Variants in CTDSPL observed in about 807,000 individuals in gnomAD.
The protein encoded by CTDSPL is CTD small phosphatase-like protein.
CTDSPL carries 8 observed loss-of-function variants against 30.5 expected under a neutral mutation model. The ratio of observed to expected loss-of-function variants is 0.26; its 90% CI spans 0.15 to 0.47. The LOEUF (loss-of-function observed/expected upper bound fraction) is 0.47, where lower values mean the gene tolerates loss of function less well. Ranked by LOEUF, CTDSPL falls within the 20% of genes least tolerant of loss-of-function variation. The pLI is 0.99. For missense variants in CTDSPL, 248 were observed against 366.1 expected, an observed-to-expected ratio of 0.68 and a Z score of 2.63; for synonymous variants, 110 against 137.9, an observed-to-expected ratio of 0.80 and a Z score of 1.42.
chr3:37,922,986 T>C (rs996575536), intron 1 of CTDSPL, among the ~76,000 whole-genome samples: 9 of 152,232 alleles, frequency 5.9e-5, no homozygotes, highest in Non-Finnish European at 1.0e-4. Flanking sequence ...TTCACTACCC[T>C]GTGTTACCTT....
chr3:37,930,188 T>A (rs1698837277), intron 1 of CTDSPL, among the ~76,000 whole-genome samples: 1 of 152,032 alleles, frequency 6.6e-6, no homozygotes, highest in Non-Finnish European at 1.5e-5. Flanking sequence ...TTTCCTTCTG[T>A]AGATTTCTAG....
intron 1 of CTDSPL, among the ~76,000 whole-genome samples, chr3:37,882,590 C>T (rs1412739598): frequency 6.6e-6 from 1 of 152,092 alleles, no homozygotes; most frequent in Non-Finnish European, 1.5e-5. Context: ...GCACTCTAGC[C>T]TGAGTGACAG....
intron 1 of CTDSPL, among the ~76,000 whole-genome samples, chr3:37,927,015 C>G (rs1401094655): frequency 1.3e-5 from 2 of 152,144 alleles, no homozygotes; most frequent in Non-Finnish European, 2.9e-5. Context: ...ACATCTTGGC[C>G]AGTAAAATGG....
chr3:37,964,084 A>G (rs1256190001), intron 3 of CTDSPL, among the ~76,000 whole-genome samples: 1 of 149,822 alleles, frequency 6.7e-6, no homozygotes, highest in Non-Finnish European at 1.5e-5. Context: ...TAGTTCCAAC[A>G]TAGCTCTAAT....
At chr3:37,933,312 C>G (rs767197699) in intron 1 of CTDSPL, among the ~76,000 whole-genome samples, 2 of 152,186 alleles carry the variant, frequency 1.3e-5, no homozygotes, top group Admixed American at 6.5e-5. Flanking sequence ...ATTCTCCTCT[C>G]CCTTCCAGTT....
chr3:37,927,636 ATGTG>A (rs71094932), intron 1 of CTDSPL, among the ~76,000 whole-genome samples: 5,579 of 115,578 alleles, frequency 0.048, 126 homozygotes, highest in South Asian at 0.092. Context: ...AGAAAAATAT[ATGTG>A]TGTGTGTGTG....
chr3:37,886,663 A>G (rs1698266724), intron 1 of CTDSPL, among the ~76,000 whole-genome samples: 1 of 152,230 alleles, frequency 6.6e-6, no homozygotes, highest in African/African-American at 2.4e-5. Flanking sequence ...TGAGCCTAGT[A>G]CCTTGATTCT....
chr3:37,905,596 C>G (rs73058907), intron 1 of CTDSPL, among the ~76,000 whole-genome samples: 12 of 152,332 alleles, frequency 7.9e-5, no homozygotes, highest in Non-Finnish European at 1.3e-4. Context: ...CCTTCCCCCC[C>G]TCCCTCCTTG....
At chr3:37,921,236 C>A (rs1698710027) in intron 1 of CTDSPL, among the ~76,000 whole-genome samples, 1 of 152,320 alleles carries the variant, frequency 6.6e-6, no homozygotes, top group East Asian at 1.9e-4. Context: ...AAATGACTTG[C>A]CAGAGGAAAA....
At chr3:37,914,455 A>G (rs1348350920) in intron 1 of CTDSPL, among the ~76,000 whole-genome samples, 1 of 152,170 alleles carries the variant, frequency 6.6e-6, no homozygotes, top group Non-Finnish European at 1.5e-5. Flanking sequence ...ATCAAGTATT[A>G]TATGTGCTGT....
At chr3:37,925,980 C>T (rs1456254117) in intron 1 of CTDSPL, among the ~76,000 whole-genome samples, 2 of 152,132 alleles carry the variant, frequency 1.3e-5, no homozygotes, top group Non-Finnish European at 2.9e-5. Flanking sequence ...AATCTAAGCT[C>T]AATAAGGGCA....
chr3:37,920,714 G>C (rs1698702455), intron 1 of CTDSPL, among the ~76,000 whole-genome samples: 1 of 152,248 alleles, frequency 6.6e-6, no homozygotes, highest in African/African-American at 2.4e-5. Context: ...GGGAAGAACA[G>C]TGTCTGGCTT....
intron 1 of CTDSPL, among the ~76,000 whole-genome samples, chr3:37,897,298 A>G (rs1234613596): frequency 1.3e-5 from 2 of 152,156 alleles, no homozygotes; most frequent in African/African-American, 4.8e-5. Context: ...GATGGGGGCT[A>G]TAGGGGGAAG....
chr3:37,918,482 A>G (rs1698674970), intron 1 of CTDSPL, among the ~76,000 whole-genome samples: 3 of 152,124 alleles, frequency 2.0e-5, no homozygotes, highest in Non-Finnish European at 4.4e-5. Flanking sequence ...TCTCTAGCCT[A>G]TAAATGTGGT....
At position 37,885,766 on chromosome 3, in the gene CTDSPL, GAAGAGAGA is replaced by G. The variant is rs554064579; in HGVS notation, c.79+23489_79+23496del. ...AAAAAGATGTGAGAAAGTAGGTTCT[GAAGAGAGA>G]CAGACTAGTGCTAGGAAGGGCTGAT... is the stretch of plus-strand genomic sequence containing the variant. On this transcript the variant is annotated intron_variant, in intron 1 of 7. Coordinates refer to ENST00000273179, the MANE Select transcript of CTDSPL (RefSeq NM_001008392.2). Among the ~76,000 whole-genome samples, 306 of 152,282 alleles carry G rather than the reference GAAGAGAGA, an allele frequency of 2.0e-3. 5 individuals carry two copies. The highest frequency in any genetic ancestry group is 0.018 in the Admixed American group (279 of 15,296).
At position 37,975,445 on chromosome 3, in the gene CTDSPL, A is replaced by C. The variant is rs1165417861; in HGVS notation, c.520-264A>C. On this transcript the variant is annotated intron_variant, in intron 6 of 7. Transcript: ENST00000273179. The surrounding 1 kb of genome is among the most constrained non-coding windows in gnomAD (Gnocchi z 4.9). ...GGCCAGAGATTCGAGGCCCAGGCTA[A>C]GGGTGGTGGCAATATAAATAGATGC... Among the ~76,000 whole-genome samples the C allele has an allele frequency of 2.0e-5, 3 of 152,230 alleles. No homozygotes were observed. Among genetic ancestry groups the C allele is most frequent in the Admixed American group, 2.0e-4 (3 of 15,284 alleles).
chr3:37,952,529 A>G (rs557126742), intron 2 of CTDSPL, among the ~76,000 whole-genome samples: 1 of 152,372 alleles, frequency 6.6e-6, no homozygotes, highest in South Asian at 2.1e-4. Context: ...TTTTATGGAA[A>G]GTAAATGCTT....
chr3:37,905,495 T>C (rs1698503889), intron 1 of CTDSPL, among the ~76,000 whole-genome samples: 2 of 152,306 alleles, frequency 1.3e-5, no homozygotes, highest in South Asian at 2.1e-4. Flanking sequence ...AACTCGTGGG[T>C]CAATGCACAG....
rs182401351 is a variant in CTDSPL at position 37,912,764 on chromosome 3, C to T, written c.80-34293C>T. 2.0e-4 allele frequency among the ~76,000 whole-genome samples: 31 copies of T among 152,326 alleles called. No individual in the cohort carries two copies. The East Asian group carries it at 5.4e-3, about 27-fold the overall frequency. ...TTGAGCATCAGCCACACATTAAGCACTATGTGTTAAACCCTCACAAGTCTA... is the reference window on the plus strand; with the variant it reads ...TTGAGCATCAGCCACACATTAAGCATTATGTGTTAAACCCTCACAAGTCTA... On this transcript the variant is annotated intron_variant, in intron 1 of 7. Coordinates refer to ENST00000273179, the MANE Select transcript of CTDSPL (RefSeq NM_001008392.2).
Sources: gnomAD v4.1 joint callset for allele counts (sites outside exome capture counted in the v4.1 genomes callset) on GRCh38, gnomAD v4.1.1 for gene constraint, Gnocchi (gnomAD v3.1) non-coding constraint, MANE v1.5 for transcripts, NCBI Gene and HGNC (gene_info 2026-07-23, HGNC 2026-07-21) for gene names.